HAPLN1: variants seen among roughly 807,000 people sequenced by gnomAD.
HAPLN1 encodes hyaluronan and proteoglycan link protein 1, also known as Cartilage link protein.
A neutral mutation model predicts 36.5 loss-of-function variants in HAPLN1; 13 were observed. The ratio of observed to expected loss-of-function variants is 0.36; its 90% CI spans 0.23 to 0.57. The LOEUF is 0.57. Among genes scored for constraint, HAPLN1 ranks in the 20% least tolerant of loss-of-function variants. The pLI is 0.83. For synonymous variants in HAPLN1, 202 were observed against 169.8 expected, an observed-to-expected ratio of 1.19 and a Z score of -1.48; for missense variants, 407 against 439.7, an observed-to-expected ratio of 0.93 and a Z score of 0.66.
At chr5:83,643,416 C>A (rs1195918543) in intron 4 of HAPLN1, among the ~76,000 whole-genome samples, 2 of 150,010 alleles carry the variant, frequency 1.3e-5, no homozygotes, top group Admixed American at 1.3e-4. Context: ...CTATTTTTCC[C>A]AAAGCATGTC....
At chr5:83,704,365 C>G (rs182637912) in intron 1 of HAPLN1, among the ~76,000 whole-genome samples, 2 of 152,158 alleles carry the variant, frequency 1.3e-5, no homozygotes, top group South Asian at 2.1e-4. Context: ...AGGATAATAA[C>G]CAGCTAACAA....
chr5:83,676,534 T>C (rs1290145235), intron 1 of HAPLN1, among the ~76,000 whole-genome samples: 1 of 152,106 alleles, frequency 6.6e-6, no homozygotes, highest in Non-Finnish European at 1.5e-5. Context: ...CAGACTGAGG[T>C]CATTGAGGTC....
At chr5:83,697,417 C>T (rs561730101) in intron 1 of HAPLN1, among the ~76,000 whole-genome samples, 1 of 152,256 alleles carries the variant, frequency 6.6e-6, no homozygotes, top group Admixed American at 6.5e-5. Flanking sequence ...TATATAGATA[C>T]CACATTTTAT....
chr5:83,693,723 G>T (rs561277182), intron 1 of HAPLN1, among the ~76,000 whole-genome samples: 3 of 151,962 alleles, frequency 2.0e-5, no homozygotes, highest in African/African-American at 7.2e-5. Context: ...AAAAATATCA[G>T]CAGGGGAAAA....
intron 4 of HAPLN1, among the ~76,000 whole-genome samples, chr5:83,642,540 G>A (rs572313691): frequency 6.9e-4 from 105 of 152,272 alleles, no homozygotes; most frequent in African/African-American, 2.5e-3. Flanking sequence ...TATGTATTAA[G>A]TATGTGTAAA....
At chr5:83,680,692 AT>A (rs1750978488) in intron 1 of HAPLN1, among the ~76,000 whole-genome samples, 3 of 152,250 alleles carry the variant, frequency 2.0e-5, no homozygotes, top group South Asian at 2.1e-4. Flanking sequence ...AACTGATCCT[AT>A]TTTTTATGCC....
chr5:83,676,981 G>A (rs1397894003), intron 1 of HAPLN1, among the ~76,000 whole-genome samples: 5 of 152,170 alleles, frequency 3.3e-5, no homozygotes, highest in African/African-American at 1.2e-4. Context: ...CTTATCCAAT[G>A]TGAAAGAGTA....
intron 1 of HAPLN1, among the ~76,000 whole-genome samples, chr5:83,693,737 A>G (rs763590193): frequency 1.3e-5 from 2 of 151,946 alleles, no homozygotes; most frequent in African/African-American, 2.4e-5. Context: ...GGGAAAAGAG[A>G]GCAATTTCAT....
intron 3 of HAPLN1, among the ~76,000 whole-genome samples, chr5:83,651,784 G>A (rs1288247314): frequency 6.6e-6 from 1 of 152,122 alleles, no homozygotes; most frequent in Non-Finnish European, 1.5e-5. Context: ...CTAGAGGGTG[G>A]ACATTGGGCA....
chr5:83,693,927 TG>T (rs1561319916), intron 1 of HAPLN1, among the ~76,000 whole-genome samples: 1 of 151,916 alleles, frequency 6.6e-6, no homozygotes, highest in Non-Finnish European at 1.5e-5. Context: ...ATAGAAGACT[TG>T]AATACTGTAA....
rs749059809 is a variant in HAPLN1, at chr5:83,641,554, C to A, written c.1007G>T (p.Gly336Val). The A allele has an allele frequency of 1.2e-6, 2 of 1,613,906 alleles. No individual in the cohort carries two copies. Among genetic ancestry groups the A allele is most frequent in the East Asian group, 2.2e-5 (1 of 44,882 alleles). The change falls in exon 5 of 5, where the codon GGT (glycine) becomes GTT (valine). Residue 336 changes from glycine to valine, a missense_variant. Physicochemically the swap from Gly to Val is moderately radical, Grantham distance 109. Coordinates refer to ENST00000274341, the MANE Select transcript of HAPLN1 (RefSeq NM_001884.4). ...CAGCTTATGCTTTTTATCTGGGAAA[C>A]CCACGAAGCGCACTGCAGCCTCAGT... ...SPTEAAVRFV[G>V]FPDKKHKLYG...
chr5:83,703,128 A>G (rs935150674), intron 1 of HAPLN1, among the ~76,000 whole-genome samples: 1 of 152,126 alleles, frequency 6.6e-6, no homozygotes, highest in African/African-American at 2.4e-5. Flanking sequence ...CACAGACATT[A>G]TTGCTAAAAT....
chr5:83,679,662 C>G (rs1028176427), intron 1 of HAPLN1, among the ~76,000 whole-genome samples: 8 of 152,104 alleles, frequency 5.3e-5, no homozygotes, highest in Non-Finnish European at 7.4e-5. Context: ...CTACTTACAA[C>G]TATACTAGGA....
At chr5:83,717,740 A>G (rs1457682230) in intron 1 of HAPLN1, among the ~76,000 whole-genome samples, 1 of 152,134 alleles carries the variant, frequency 6.6e-6, no homozygotes, top group African/African-American at 2.4e-5. Flanking sequence ...TTTTTTTTCT[A>G]TTAGATCAAC....
At chr5:83,709,418 C>T (rs1240674054) in intron 1 of HAPLN1, among the ~76,000 whole-genome samples, 1 of 152,158 alleles carries the variant, frequency 6.6e-6, no homozygotes. Flanking sequence ...TTCTGTTTTA[C>T]TATCTTGGCT....
intron 1 of HAPLN1, among the ~76,000 whole-genome samples, chr5:83,694,168 A>C (rs1229225419): frequency 6.6e-6 from 1 of 152,040 alleles, no homozygotes; most frequent in African/African-American, 2.4e-5. Flanking sequence ...ATCTATTTGG[A>C]AACTAAAGCA....
intron 1 of HAPLN1, among the ~76,000 whole-genome samples, chr5:83,696,144 T>A (rs1185755297): frequency 1.3e-5 from 2 of 152,050 alleles, no homozygotes; most frequent in African/African-American, 4.8e-5. Context: ...AATCAAAAAT[T>A]GAAATTTAAA....
At position 83,640,192 on chromosome 5, in the gene HAPLN1, A is replaced by C. The variant is rs1447215968; in HGVS notation, c.*1304T>G. ...GGGGTCTCAGCAGTCATAAAAATAT[A>C]GGAAAACAGAGCTTTATTTAAGAAG... On this transcript the variant is annotated 3_prime_UTR_variant, in exon 5 of 5. Coordinates refer to ENST00000274341, the MANE Select transcript of HAPLN1 (RefSeq NM_001884.4). 12 of 152,214 alleles carry C rather than the reference A, an allele frequency of 7.9e-5. No individual in the cohort carries two copies. Among genetic ancestry groups the C allele is most frequent in the Admixed American group, 6.5e-5 (1 of 15,286 alleles). The allele number at this position is 152,214 out of a possible 1,614,324, so 9.4% of individuals were successfully genotyped here. A position where few individuals can be genotyped will look rare whatever the true frequency, so the allele number is the denominator to read the frequency against.
chr5:83,682,706 CA>C (rs1405654134), intron 1 of HAPLN1, among the ~76,000 whole-genome samples: 1 of 151,734 alleles, frequency 6.6e-6, no homozygotes, highest in East Asian at 1.9e-4. Flanking sequence ...CTACACAGCT[CA>C]AAAAAGGGAA....
Sources: gnomAD v4.1 joint callset for allele counts (sites outside exome capture counted in the v4.1 genomes callset) on GRCh38, gnomAD v4.1.1 for gene constraint, MANE v1.5 for transcripts, NCBI Gene and HGNC (gene_info 2026-07-23, HGNC 2026-07-21) for gene names.